Variants in GRK4 observed in about 807,000 individuals in gnomAD.
GRK4 encodes the protein G protein-coupled receptor kinase 4, also known as G protein-coupled receptor kinase 2-like.
In GRK4, 73 loss-of-function variants were observed where a neutral mutation model predicts 77.9. The ratio of observed to expected loss-of-function variants is 0.94; its 90% CI spans 0.78 to 1.14. The LOEUF (loss-of-function observed/expected upper bound fraction) is 1.14, where lower values mean the gene tolerates loss of function less well. GRK4 is among the 50% of genes most tolerant of loss of function. The probability of loss-of-function intolerance (pLI) is 0.00; values close to 1 mark genes in which losing one functional copy is unlikely to be tolerated. For synonymous variants in GRK4, 257 were observed against 254.4 expected (o/e 1.01, Z -0.10); for missense variants, 729 against 700.2 (o/e 1.04, Z -0.46).
intron 5 of GRK4, 84 bp from the exon 6 acceptor site, chr4:3,007,652 C>T (rs1731690790): frequency 1.4e-6 from 1 of 722,366 alleles, no homozygotes; most frequent in Admixed American, 3.0e-5. Flanking sequence ...TTCCCATATT[C>T]AGTGCCTATT....
At chr4:3,023,612 T>G (rs914461485) in intron 10 of GRK4, among the ~76,000 whole-genome samples, 1 of 152,198 alleles carries the variant, frequency 6.6e-6, no homozygotes, top group South Asian at 2.1e-4. Flanking sequence ...TACCAAGATT[T>G]AGGAATCAGA....
intron 1 of GRK4, among the ~76,000 whole-genome samples, chr4:2,975,907 TA>T (rs2109456507): frequency 6.6e-6 from 1 of 152,344 alleles, no homozygotes; most frequent in Non-Finnish European, 1.5e-5. Context: ...TCAGTCCTGC[TA>T]AAGTTCCATG....
At chr4:3,038,247 C>T (rs1312578741) in intron 14 of GRK4, 129 bp from the exon 15 acceptor site, 1 of 1,126,938 alleles carries the variant, frequency 8.9e-7, no homozygotes, top group African/African-American at 1.6e-5. Flanking sequence ...AGAAAAGGGG[C>T]CCCACAGTGG....
chr4:3,018,080 T>C (rs1318458950), intron 8 of GRK4, among the ~76,000 whole-genome samples: 3 of 151,480 alleles, frequency 2.0e-5, no homozygotes, highest in East Asian at 1.9e-4. Flanking sequence ...TTTTCTTTTT[T>C]TTTTTTTTAG....
intron 2 of GRK4, chr4:2,985,752 A>T (rs1724116458): frequency 3.2e-6 from 1 of 316,888 alleles, no homozygotes; most frequent in Non-Finnish European, 6.2e-6. Context: ...TAATCCCAGC[A>T]CTTTGGGAGA....
Position 3,040,717 on chromosome 4 carries a change from T to C in GRK4, c.*92T>C. ...CACCTGGAATTGTAATAAATACATCTAAATAAAACATGCCTTGGGAGTGTA... is the reference window on the plus strand; with the variant it reads ...CACCTGGAATTGTAATAAATACATCCAAATAAAACATGCCTTGGGAGTGTA... On this transcript the variant is annotated 3_prime_UTR_variant, in exon 16 of 16. Transcript: ENST00000398052. 1.9e-6 allele frequency: 2 copies of C among 1,031,876 alleles called. No individual in the cohort carries two copies. Among genetic ancestry groups the C allele is most frequent in the Non-Finnish European group, 3.0e-6 (2 of 676,904 alleles). The allele number at this position is 1,031,876 out of a possible 1,614,324, so 63.9% of individuals were successfully genotyped here. A position where few individuals can be genotyped will look rare whatever the true frequency, so the allele number is the denominator to read the frequency against.
intron 5 of GRK4, among the ~76,000 whole-genome samples, chr4:3,004,943 C>G (rs1730871336): frequency 6.6e-6 from 1 of 151,888 alleles, no homozygotes; most frequent in Non-Finnish European, 1.5e-5. Context: ...AGTAATAATT[C>G]CATGTACACA....
At chr4:2,996,244 T>C (rs902827995) in intron 4 of GRK4, among the ~76,000 whole-genome samples, 17 of 152,130 alleles carry the variant, frequency 1.1e-4, no homozygotes, top group Non-Finnish European at 2.5e-4. Flanking sequence ...AGTCCCTTCA[T>C]GAAGGTGGAA....
rs1728969100 is a variant in GRK4 at position 2,999,694 on chromosome 4, G to T, written c.340-4537G>T. On this transcript the variant is annotated intron_variant, in intron 4 of 15. Transcript: ENST00000398052. ...TATACAACTCTTAGAGGAAAGTGTA[G>T]GTGTAACTCTTCAATACCTTGAAAT... Among the ~76,000 whole-genome samples the T allele has an allele frequency of 2.0e-5, 3 of 152,140 alleles. No individual in the cohort carries two copies. In the South Asian group the frequency reaches 6.2e-4, roughly 32 times the overall value.
chr4:3,027,850 ATTG>A lies in GRK4; in HGVS notation c.971-56_971-54del, dbSNP rs1738000603. ...TTGAGGGGCCTTTTTTCCCATTTTA[ATTG>A]TTGTTACGGTGTCATTACTTCCCCC... On this transcript the variant is annotated intron_variant, in intron 10 of 15. Transcript: ENST00000398052. 9.4e-6 allele frequency: 13 copies of A among 1,382,676 alleles called. No homozygotes were observed. In the East Asian group the frequency reaches 3.0e-4, roughly 32 times the overall value. The allele number at this position is 1,382,676 out of a possible 1,614,324, so 85.7% of individuals were successfully genotyped here. A position where few individuals can be genotyped will look rare whatever the true frequency, so the allele number is the denominator to read the frequency against.
Position 3,017,612 on chromosome 4 carries a change from G to A in GRK4, c.742-2029G>A, listed in dbSNP as rs545079985. On this transcript the variant is annotated intron_variant, in intron 8 of 15. Coordinates refer to ENST00000398052, the MANE Select transcript of GRK4 (RefSeq NM_182982.3). ...TTAATTCTGTGGTCTGTTGCATGCC[G>A]GCTGGGGCCTCCTCTCCTCCATTCT... 4.3e-4 allele frequency among the ~76,000 whole-genome samples: 66 copies of A among 152,264 alleles called. 1 individual carries two copies. The highest frequency in any genetic ancestry group is 1.2e-3 in the African/African-American group (48 of 41,556).
intron 13 of GRK4, among the ~76,000 whole-genome samples, chr4:3,036,615 G>A (rs921140519): frequency 9.2e-5 from 14 of 152,226 alleles, no homozygotes; most frequent in African/African-American, 1.2e-4. Flanking sequence ...GTGGAGACCC[G>A]GACCTTGGCA....
intron 4 of GRK4, 42 bp from the exon 5 acceptor site, chr4:3,004,189 G>T (rs766144168): frequency 2.4e-5 from 32 of 1,322,540 alleles, no homozygotes; most frequent in Non-Finnish European, 3.5e-5. Context: ...AGTAAGTTAT[G>T]AAATCACTAA....
intron 4 of GRK4, among the ~76,000 whole-genome samples, chr4:2,999,234 G>T (rs1057244747): frequency 6.6e-6 from 1 of 152,122 alleles, no homozygotes; most frequent in African/African-American, 2.4e-5. Context: ...GAATACGAGG[G>T]TATGCACACG....
chr4:3,035,436 G>A lies in GRK4; in HGVS notation c.1320G>A (p.Ala440=), dbSNP rs923470399. The change falls in exon 13 of 16, where the codon GCG becomes GCA. Residue 440 remains alanine (A), a synonymous_variant. Transcript: ENST00000398052. ...SKRLGCRGEG[A]AGVKQHPVFK... is the part of the protein sequence containing the mutation. ...GGCTGGGCTGCAGGGGCGAGGGAGC[G>A]GCTGGGGTGAAGCAGCACCCCGTGT... 3.1e-6 allele frequency: 5 copies of A among 1,613,662 alleles called. No homozygotes were observed. Among genetic ancestry groups the A allele is most frequent in the Non-Finnish European group, 2.5e-6 (3 of 1,179,872 alleles).
At chr4:3,036,879 T>G (rs184240133) in intron 13 of GRK4, among the ~76,000 whole-genome samples, 4 of 152,260 alleles carry the variant, frequency 2.6e-5, no homozygotes, top group Admixed American at 6.5e-5. Flanking sequence ...GGGGCGAGAA[T>G]TGTCACTAAG....
intron 2 of GRK4, chr4:2,987,244 C>A: frequency 2.3e-6 from 1 of 425,626 alleles, no homozygotes. Flanking sequence ...GCTTTTTTTA[C>A]GTAGCATAAT....
At chr4:2,964,183 C>T in intron 1 of GRK4, 61 bp downstream of exon 1, 1 of 1,416,206 alleles carries the variant, frequency 7.1e-7, no homozygotes, top group Admixed American at 2.0e-5. Context: ...CCGGGGAACC[C>T]TGGCCCCCCT....
chr4:2,981,487 G>A (rs534417278), intron 1 of GRK4, among the ~76,000 whole-genome samples: 2 of 152,336 alleles, frequency 1.3e-5, no homozygotes, highest in East Asian at 3.9e-4. Context: ...GAGACCTGGA[G>A]TGGGTAGCTC....
Sources: gnomAD v4.1 joint callset for allele counts (sites outside exome capture counted in the v4.1 genomes callset) on GRCh38, gnomAD v4.1.1 for gene constraint, MANE v1.5 for transcripts, NCBI Gene and HGNC (gene_info 2026-07-23, HGNC 2026-07-21) for gene names.